The following CTCF variants were observed in gnomAD, a reference collection of about 807,000 sequenced individuals.
CTCF encodes CCCTC-binding factor.
In CTCF, 7 loss-of-function variants were observed where a neutral mutation model predicts 72.3. The ratio of observed to expected loss-of-function variants is 0.10; its 90% confidence interval spans 0.06 to 0.18. The LOEUF (loss-of-function observed/expected upper bound fraction) is 0.18. Ranked by LOEUF, CTCF falls within the 10% of genes least tolerant of loss-of-function variation. The pLI is 1.00. For missense variants in CTCF, 516 were observed against 949.1 expected (o/e 0.54, Z 6.00); for synonymous variants, 374 against 315.8 (o/e 1.18, Z -1.95).
chr16:67,614,470 G>A (rs968412043), intron 4 of CTCF: 2 of 152,310 alleles, frequency 1.3e-5, no homozygotes, highest in African/African-American at 2.4e-5. Flanking sequence ...GCTGAGGCGG[G>A]TGGATCACTT....
chr16:67,595,782 C>T (rs1251681009), intron 2 of CTCF, among the ~76,000 whole-genome samples: 1 of 152,122 alleles, frequency 6.6e-6, no homozygotes, highest in Non-Finnish European at 1.5e-5. Context: ...TCTGCCTCTC[C>T]TGTCCGCCCT....
intron 5 of CTCF, among the ~76,000 whole-genome samples, chr16:67,618,099 A>G (rs1402985490): frequency 6.6e-6 from 1 of 152,134 alleles, no homozygotes; most frequent in Non-Finnish European, 1.5e-5. Flanking sequence ...TATAGGAGAA[A>G]ACTTCTTTAA....
chr16:67,624,067 A>ATGTGTGTG (rs1330400010), intron 7 of CTCF, among the ~76,000 whole-genome samples: 1 of 96,352 alleles, frequency 1.0e-5, no homozygotes, highest in African/African-American at 4.1e-5. Context: ...AAAAAAAATT[A>ATGTGTGTG]TATATGTGTG....
intron 10 of CTCF, among the ~76,000 whole-genome samples, chr16:67,632,613 CA>C (rs1445818248): frequency 6.6e-6 from 1 of 151,032 alleles, no homozygotes; most frequent in Non-Finnish European, 1.5e-5. Flanking sequence ...ACCACCAAGC[CA>C]ATAAGCCTTT....
At chr16:67,619,804 G>A (rs905617754) in intron 5 of CTCF, among the ~76,000 whole-genome samples, 2 of 152,212 alleles carry the variant, frequency 1.3e-5, no homozygotes, top group East Asian at 1.9e-4. Context: ...GGCTGGTCTC[G>A]AACTCCTGAC....
At chr16:67,613,682 A>G (rs190402838) in intron 4 of CTCF, among the ~76,000 whole-genome samples, 3 of 152,320 alleles carry the variant, frequency 2.0e-5, no homozygotes, top group Admixed American at 2.0e-4. Flanking sequence ...TGGCTGAGGC[A>G]GGAGAATCAC....
intron 10 of CTCF, among the ~76,000 whole-genome samples, chr16:67,635,028 T>TACA (rs2052411536): frequency 6.6e-6 from 1 of 150,456 alleles, no homozygotes; most frequent in African/African-American, 2.5e-5. Context: ...TTTGTTTGTT[T>TACA]GTTTGTTTTT....
chr16:67,616,530 T>C, intron 4 of CTCF: 1 of 518,208 alleles, frequency 1.9e-6, no homozygotes, highest in Non-Finnish European at 3.5e-6. Flanking sequence ...TAAGAGAAAC[T>C]AATTTGGTAT....
intron 4 of CTCF, chr16:67,615,783 A>C (rs1302333658): frequency 6.6e-6 from 1 of 152,056 alleles, no homozygotes; most frequent in Non-Finnish European, 1.5e-5. Flanking sequence ...CATTCCTTGG[A>C]ATTGCTTAGT....
At chr16:67,618,106 TTAATA>T (rs1464959807) in intron 5 of CTCF, among the ~76,000 whole-genome samples, 1 of 152,056 alleles carries the variant, frequency 6.6e-6, no homozygotes, top group Admixed American at 6.6e-5. Flanking sequence ...GAAAACTTCT[TTAATA>T]TAATGTGTTT....
intron 2 of CTCF, among the ~76,000 whole-genome samples, chr16:67,591,471 T>C (rs2051743074): frequency 6.6e-6 from 1 of 152,208 alleles, no homozygotes; most frequent in African/African-American, 2.4e-5. Flanking sequence ...TCATTCTTTA[T>C]TGTAGTCTAC....
In CTCF at chr16:67,637,684, C is replaced by T; in HGVS notation, c.2000-4C>T. On this transcript the variant is annotated splice_region_variant and splice_polypyrimidine_tract_variant and intron_variant, in intron 11 of 11. Transcript: ENST00000264010. ...TTTGTTCTGTCTGTGCTCTTCTTTG[C>T]CAGCAACAGCTATCATTCAGGTTGA... 6.2e-7 allele frequency: 1 copy of T among 1,609,026 alleles called. No homozygotes were observed. The highest frequency in any genetic ancestry group is 2.2e-5 in the East Asian group (1 of 44,820).
At chr16:67,598,332 T>C (rs770235025) in intron 2 of CTCF, among the ~76,000 whole-genome samples, 1 of 152,212 alleles carries the variant, frequency 6.6e-6, no homozygotes, top group East Asian at 1.9e-4. Flanking sequence ...GTTCACGTTA[T>C]TCTTTTTCTT....
intron 2 of CTCF, among the ~76,000 whole-genome samples, chr16:67,576,631 G>C (rs1351366029): frequency 7.3e-6 from 1 of 137,790 alleles, no homozygotes; most frequent in Non-Finnish European, 1.5e-5. Context: ...TCTGCTCACT[G>C]CAAACTCCGC....
At chr16:67,585,743 C>T (rs2051660921) in intron 2 of CTCF, among the ~76,000 whole-genome samples, 1 of 152,146 alleles carries the variant, frequency 6.6e-6, no homozygotes, top group African/African-American at 2.4e-5. Context: ...ATACATAACT[C>T]TTCTATAACA....
intron 10 of CTCF, among the ~76,000 whole-genome samples, chr16:67,631,162 TTTG>T (rs1349621361): frequency 5.5e-4 from 74 of 135,186 alleles, no homozygotes; most frequent in Non-Finnish European, 9.7e-4. Flanking sequence ...TTGTTTTTTT[TTTG>T]TTTTTTGTTT....
At chr16:67,626,936 G>A in intron 8 of CTCF, 1 of 365,064 alleles carries the variant, frequency 2.7e-6, no homozygotes. Flanking sequence ...TCCTTAAGCA[G>A]ACATCTTTCT....
chr16:67,610,190 CCCTCGGTATGGATTT>C (rs1463329973), intron 2 of CTCF, among the ~76,000 whole-genome samples: 4 of 152,044 alleles, frequency 2.6e-5, no homozygotes, highest in Admixed American at 6.6e-5. Context: ...TGCAGTGTTT[CCCTCGGTATGGATTT>C]CACTGATTTA....
At chr16:67,603,719 G>GGA (rs2051930273) in intron 2 of CTCF, among the ~76,000 whole-genome samples, 1 of 151,844 alleles carries the variant, frequency 6.6e-6, no homozygotes, top group South Asian at 2.1e-4. Context: ...CAGCTACTTG[G>GGA]GAGGCTGAGG....
Sources: gnomAD v4.1 joint callset for allele counts (sites outside exome capture counted in the v4.1 genomes callset) on GRCh38, gnomAD v4.1.1 for gene constraint, MANE v1.5 for transcripts, NCBI Gene and HGNC (gene_info 2026-07-23, HGNC 2026-07-21) for gene names.